MACROD2: variants seen among roughly 807,000 people sequenced by gnomAD.
MACROD2 encodes mono-ADP ribosylhydrolase 2.
MACROD2 carries 36 observed loss-of-function variants against 70.4 expected under a neutral mutation model. The ratio of observed to expected loss-of-function variants is 0.51; its 90% CI spans 0.39 to 0.68. The LOEUF (loss-of-function observed/expected upper bound fraction) is 0.68. Ranked by LOEUF, MACROD2 falls within the 30% of genes least tolerant of loss-of-function variation. MACROD2 has a pLI of 0.00. For missense variants in MACROD2, 496 were observed against 538.4 expected (o/e 0.92, Z 0.78); for synonymous variants, 172 against 178.8 (o/e 0.96, Z 0.30).
chr20:14,107,285 C>G (rs2054381878), intron 3 of MACROD2, among the ~76,000 whole-genome samples: 1 of 152,096 alleles, frequency 6.6e-6, no homozygotes, highest in Non-Finnish European at 1.5e-5. Flanking sequence ...TTCTTAATAG[C>G]AGAATTGATC....
At chr20:15,627,995 T>C (rs1488649844) in intron 8 of MACROD2, among the ~76,000 whole-genome samples, 1 of 152,198 alleles carries the variant, frequency 6.6e-6, no homozygotes, top group Non-Finnish European at 1.5e-5. Flanking sequence ...GTGAGACATG[T>C]CATGCCAAGG....
intron 5 of MACROD2, among the ~76,000 whole-genome samples, chr20:15,206,202 T>C (rs776092819): frequency 6.6e-6 from 1 of 152,190 alleles, no homozygotes; most frequent in Non-Finnish European, 1.5e-5. Context: ...TATTGGTTCA[T>C]TTCCAAATAT....
intron 5 of MACROD2, among the ~76,000 whole-genome samples, chr20:15,162,766 T>G (rs1750318278): frequency 6.6e-6 from 1 of 152,066 alleles, no homozygotes; most frequent in Non-Finnish European, 1.5e-5. Context: ...GATTTCAGAT[T>G]AACAAAAACT....
intron 5 of MACROD2, among the ~76,000 whole-genome samples, chr20:14,963,855 T>C (rs909046416): frequency 6.6e-6 from 1 of 152,180 alleles, no homozygotes; most frequent in Non-Finnish European, 1.5e-5. Context: ...GAACTTTTCT[T>C]TGGGCTTCTT....
At position 14,411,745 on chromosome 20, in the gene MACROD2, CT is replaced by C. The variant is rs144044370; in HGVS notation, c.272-81733del. ...TTTTCTTCTCAGTTCAAGCTGCCCCCTACCAGCACCTCCCTGTGTGTCTGCA... is the reference window on the plus strand; with the variant it reads ...TTTTCTTCTCAGTTCAAGCTGCCCCCACCAGCACCTCCCTGTGTGTCTGCA... On this transcript the variant is annotated intron_variant, in intron 3 of 17. Transcript: ENST00000684519. Among the ~76,000 whole-genome samples the C allele has an allele frequency of 3.1e-3, 470 of 152,212 alleles. 3 individuals carry two copies. Among genetic ancestry groups the C allele is most frequent in the African/African-American group, 0.011 (447 of 41,524 alleles).
At chr20:14,151,845 G>A (rs1396942097) in intron 3 of MACROD2, among the ~76,000 whole-genome samples, 34 of 126,388 alleles carry the variant, frequency 2.7e-4, no homozygotes, top group Admixed American at 2.7e-4. Flanking sequence ...TTTTTGAGAC[G>A]GAGTCTTGCT....
At chr20:15,398,569 G>A (rs1178721693) in intron 6 of MACROD2, among the ~76,000 whole-genome samples, 5 of 152,160 alleles carry the variant, frequency 3.3e-5, no homozygotes, top group Non-Finnish European at 7.4e-5. Context: ...GGATTATTAT[G>A]TCAGTTAAGA....
At chr20:14,114,651 C>T (rs890033785) in intron 3 of MACROD2, among the ~76,000 whole-genome samples, 6 of 151,986 alleles carry the variant, frequency 3.9e-5, no homozygotes, top group East Asian at 3.9e-4. Context: ...TTTTGAGAAA[C>T]GAGGAACGGG....
intron 6 of MACROD2, among the ~76,000 whole-genome samples, chr20:15,244,810 G>C (rs1678761251): frequency 6.6e-6 from 1 of 152,150 alleles, no homozygotes. Context: ...GGCACACTCT[G>C]CAAACATTTC....
At chr20:15,104,038 T>G (rs1408144586) in intron 5 of MACROD2, among the ~76,000 whole-genome samples, 1 of 152,126 alleles carries the variant, frequency 6.6e-6, no homozygotes, top group African/African-American at 2.4e-5. Flanking sequence ...TTTCTAGGGT[T>G]GGGACAGTGG....
At chr20:15,141,480 C>T (rs905775017) in intron 5 of MACROD2, among the ~76,000 whole-genome samples, 20 of 152,168 alleles carry the variant, frequency 1.3e-4, no homozygotes, top group Admixed American at 2.0e-4. Flanking sequence ...CCATAACTGT[C>T]CTTCCATGCA....
In MACROD2 at chr20:14,483,902, T is replaced by C. The variant is rs560657963; in HGVS notation, c.272-9577T>C. Among the ~76,000 whole-genome samples the C allele has an allele frequency of 1.6e-3, 239 of 152,324 alleles. 2 individuals are homozygous for C. The highest frequency in any genetic ancestry group is 5.5e-3 in the African/African-American group (229 of 41,584). The stretch of plus-strand genomic sequence containing the variant: ...AGTGGTTAAAGAGACTTACCTTTAG[T>C]TGAGATAGTTTTACTATTTTTACAT... On this transcript the variant is annotated intron_variant, in intron 3 of 17. Transcript: ENST00000684519.
intron 5 of MACROD2, among the ~76,000 whole-genome samples, chr20:15,208,942 C>T (rs1184742087): frequency 2.6e-5 from 4 of 152,074 alleles, no homozygotes; most frequent in Non-Finnish European, 5.9e-5. Context: ...GGAAGTGCCT[C>T]GGTACAGTGA....
intron 4 of MACROD2, among the ~76,000 whole-genome samples, chr20:14,629,779 C>CT (rs907223350): frequency 2.0e-5 from 3 of 152,074 alleles, no homozygotes; most frequent in Admixed American, 6.5e-5. Flanking sequence ...CTAGCCAAGC[C>CT]TTTTTTCTTT....
At chr20:15,543,976 G>T (rs967107901) in intron 8 of MACROD2, among the ~76,000 whole-genome samples, 11 of 152,186 alleles carry the variant, frequency 7.2e-5, no homozygotes, top group African/African-American at 4.8e-5. Flanking sequence ...CATCTCATTG[G>T]CCAAAGCAAG....
chr20:14,379,157 A>G (rs1247183331), intron 3 of MACROD2, among the ~76,000 whole-genome samples: 12 of 152,220 alleles, frequency 7.9e-5, no homozygotes. Context: ...TTATTTTAGA[A>G]AACAAAACAA....
chr20:14,162,338 A>G (rs1384842950), intron 3 of MACROD2, among the ~76,000 whole-genome samples: 1 of 152,206 alleles, frequency 6.6e-6, no homozygotes, highest in Non-Finnish European at 1.5e-5. Context: ...AAGAACATTT[A>G]TTCTGTAACT....
chr20:15,432,243 G>A (rs940230230), intron 7 of MACROD2, among the ~76,000 whole-genome samples: 1 of 152,006 alleles, frequency 6.6e-6, no homozygotes, highest in Non-Finnish European at 1.5e-5. Flanking sequence ...TTACAATGAA[G>A]GACTACCTAG....
At chr20:14,013,153 T>G (rs2052936987) in intron 2 of MACROD2, among the ~76,000 whole-genome samples, 1 of 150,772 alleles carries the variant, frequency 6.6e-6, no homozygotes, top group African/African-American at 2.4e-5. Context: ...TGTCTGCCAG[T>G]TTTTTTTTCA....
Sources: gnomAD v4.1 joint callset for allele counts (sites outside exome capture counted in the v4.1 genomes callset) on GRCh38, gnomAD v4.1.1 for gene constraint, MANE v1.5 for transcripts, NCBI Gene and HGNC (gene_info 2026-07-23, HGNC 2026-07-21) for gene names.